The following WDR7 variants were observed in gnomAD, a reference collection of about 807,000 sequenced individuals.
WDR7 encodes the protein WD repeat-containing protein 7.
WDR7 carries 46 observed loss-of-function variants against 169.4 expected under a neutral mutation model. The observed-to-expected ratio is 0.27, with a 90% confidence interval of 0.21 to 0.35. WDR7 has a LOEUF of 0.35. Ranked by LOEUF, WDR7 falls within the 10% of genes least tolerant of loss-of-function variation. WDR7 has a pLI of 1.00. For synonymous variants in WDR7, 612 were observed against 666.8 expected, an observed-to-expected ratio of 0.92 and a Z score of 1.27; for missense variants, 1,534 against 1,859.3, an observed-to-expected ratio of 0.83 and a Z score of 3.22.
intron 13 of WDR7, among the ~76,000 whole-genome samples, chr18:56,728,479 C>T (rs1288367762): frequency 1.3e-5 from 2 of 152,130 alleles, no homozygotes; most frequent in Non-Finnish European, 2.9e-5. Context: ...GCTGCCTCCT[C>T]GTGTGGATGT....
intron 21 of WDR7, 24 bp from the exon 22 acceptor site, chr18:56,923,898 C>A: frequency 6.7e-7 from 1 of 1,499,722 alleles, no homozygotes; most frequent in Non-Finnish European, 8.9e-7. Context: ...CCCTTTTGCT[C>A]TGCATTTTAT....
chr18:56,795,159 C>T (rs965527159), intron 19 of WDR7, among the ~76,000 whole-genome samples: 1 of 152,114 alleles, frequency 6.6e-6, no homozygotes, highest in Non-Finnish European at 1.5e-5. Context: ...TATAATGATT[C>T]ATATCATTTT....
intron 12 of WDR7, among the ~76,000 whole-genome samples, chr18:56,706,059 G>T (rs1201729447): frequency 1.3e-5 from 2 of 152,200 alleles, no homozygotes; most frequent in African/African-American, 4.8e-5. Flanking sequence ...TGTATGTGCT[G>T]CAGTCTAGCT....
At chr18:56,860,456 C>T (rs937498097) in intron 20 of WDR7, among the ~76,000 whole-genome samples, 3 of 151,996 alleles carry the variant, frequency 2.0e-5, no homozygotes, top group Non-Finnish European at 2.9e-5. Context: ...ATTCCCTCCC[C>T]GCAACTGACC....
chr18:56,736,700 G>C (rs1191366854), intron 14 of WDR7, among the ~76,000 whole-genome samples: 1 of 151,994 alleles, frequency 6.6e-6, no homozygotes, highest in African/African-American at 2.4e-5. Flanking sequence ...GAGCTGTTTT[G>C]GTAGAGTTGG....
intron 19 of WDR7, among the ~76,000 whole-genome samples, chr18:56,805,607 C>G (rs1025941084): frequency 9.9e-5 from 15 of 152,066 alleles, no homozygotes; most frequent in Non-Finnish European, 2.2e-4. Flanking sequence ...CTACCCAAAA[C>G]TGAATTCCTG....
chr18:56,855,165 C>T (rs1274544169), intron 20 of WDR7, among the ~76,000 whole-genome samples: 1 of 151,954 alleles, frequency 6.6e-6, no homozygotes, highest in Non-Finnish European at 1.5e-5. Context: ...TTTGCATTTC[C>T]CTTCTTGCTA....
chr18:56,818,795 G>A (rs763460574), intron 20 of WDR7, among the ~76,000 whole-genome samples: 6 of 149,978 alleles, frequency 4.0e-5, no homozygotes, highest in African/African-American at 1.5e-4. Flanking sequence ...AACTAGTGTT[G>A]TAGAGAGCCA....
chr18:56,938,616 A>T lies in WDR7; in HGVS notation c.3915A>T (p.Glu1305Asp). ...HTTTLARAKG[E>D]ILRVIEILIE... is the part of the protein sequence containing the mutation. The stretch of plus-strand genomic sequence containing the variant: ...CAACTCTTGCACGAGCTAAAGGGGA[A>T]ATTTTGAGAGTCATTGAAATTCTTA... Residue 1305 changes from glutamate (E) to aspartate (D), a missense_variant, in exon 24 of 28, where the codon GAA becomes GAT. Glu to Asp is a conservative substitution (Grantham distance 45). Coordinates refer to ENST00000254442, the MANE Select transcript of WDR7 (RefSeq NM_015285.3). The T allele has an allele frequency of 1.2e-6, 2 of 1,613,184 alleles. No individual in the cohort carries two copies. Among genetic ancestry groups the T allele is most frequent in the Non-Finnish European group, 1.7e-6 (2 of 1,179,806 alleles).
At chr18:56,973,267 T>C (rs893224049) in intron 26 of WDR7, among the ~76,000 whole-genome samples, 4 of 152,224 alleles carry the variant, frequency 2.6e-5, no homozygotes, top group South Asian at 2.1e-4. Context: ...TCGTAATATC[T>C]ATAATGGGAT....
intron 19 of WDR7, among the ~76,000 whole-genome samples, chr18:56,814,380 A>G (rs919675017): frequency 1.1e-4 from 16 of 152,314 alleles, no homozygotes; most frequent in African/African-American, 3.8e-4. Flanking sequence ...AGATTTATAT[A>G]TTGATTTAAT....
rs548507637 is a variant in WDR7 at position 57,021,385 on chromosome 18, T to TCC, written c.4269+537_4269+538insCC. On this transcript the variant is annotated intron_variant, in intron 27 of 27. Transcript: ENST00000254442. ...GAGGCCTTCACACTTGGTCCCTGGG[T>TCC]CTGTGACTCTAACAGGGTGTAGGGC... is the stretch of plus-strand genomic sequence containing the variant. Among the ~76,000 whole-genome samples, 252 of 152,328 alleles carry TCC rather than the reference T, an allele frequency of 1.7e-3. No individual in the cohort carries two copies. In the South Asian group the frequency reaches 0.023, roughly 14 times the overall value.
intron 20 of WDR7, among the ~76,000 whole-genome samples, chr18:56,843,212 T>A (rs1370602370): frequency 1.3e-5 from 2 of 152,222 alleles, no homozygotes; most frequent in Non-Finnish European, 2.9e-5. Flanking sequence ...TTTTTTAAAC[T>A]GTGAAAGTTT....
chr18:56,691,174 C>G (rs758224265), intron 7 of WDR7, 42 bp from the exon 8 acceptor site: 8 of 1,565,756 alleles, frequency 5.1e-6, no homozygotes, highest in Non-Finnish European at 6.9e-6. Flanking sequence ...TTACTTTTTA[C>G]AACAATATGG....
At chr18:56,827,379 G>C (rs1247079226) in intron 20 of WDR7, among the ~76,000 whole-genome samples, 2 of 152,190 alleles carry the variant, frequency 1.3e-5, no homozygotes, top group Non-Finnish European at 2.9e-5. Flanking sequence ...AAAAAAGAAT[G>C]AGACCAATCA....
At chr18:56,698,305 C>A (rs558716657) in intron 12 of WDR7, among the ~76,000 whole-genome samples, 1 of 151,340 alleles carries the variant, frequency 6.6e-6, no homozygotes, top group African/African-American at 2.4e-5. Context: ...AAACAAATTT[C>A]TTTTAAAAAA....
At chr18:56,886,192 C>T (rs1409461640) in intron 21 of WDR7, among the ~76,000 whole-genome samples, 1 of 152,044 alleles carries the variant, frequency 6.6e-6, no homozygotes, top group Non-Finnish European at 1.5e-5. Flanking sequence ...TATCTAAAGT[C>T]GAGATGAAGG....
intron 20 of WDR7, among the ~76,000 whole-genome samples, chr18:56,843,211 CTG>C (rs1046162694): frequency 6.6e-5 from 10 of 152,294 alleles, no homozygotes; most frequent in African/African-American, 2.2e-4. Context: ...CTTTTTTAAA[CTG>C]TGAAAGTTTC....
intron 14 of WDR7, among the ~76,000 whole-genome samples, chr18:56,744,802 A>T (rs968719858): frequency 1.3e-5 from 2 of 152,180 alleles, no homozygotes; most frequent in Non-Finnish European, 2.9e-5. Flanking sequence ...AGGTTACAGC[A>T]GTTTGTGCTC....
Sources: allele counts gnomAD v4.1 joint callset (sites outside exome capture counted in the v4.1 genomes callset), GRCh38; gene constraint gnomAD v4.1.1; transcripts MANE v1.5; gene names NCBI Gene and HGNC (gene_info 2026-07-23, HGNC 2026-07-21).